Variants in ATXN7L1 observed in about 807,000 individuals in gnomAD.
ATXN7L1 encodes ataxin 7 like 1.
ATXN7L1 carries 15 observed loss-of-function variants against 70.8 expected under a neutral mutation model. The ratio of observed to expected loss-of-function variants is 0.21; its 90% CI spans 0.14 to 0.33. The LOEUF is 0.33. ATXN7L1 is among the 10% of genes least tolerant of loss of function. The probability of loss-of-function intolerance (pLI) is 1.00; values close to 1 mark genes in which losing one functional copy is unlikely to be tolerated. For missense variants in ATXN7L1, 975 were observed against 1,097.1 expected, an observed-to-expected ratio of 0.89 and a Z score of 1.57; for synonymous variants, 440 against 445.1, an observed-to-expected ratio of 0.99 and a Z score of 0.14.
chr7:105,872,840 C>CAA (rs760300999), intron 2 of ATXN7L1, among the ~76,000 whole-genome samples: 4 of 136,336 alleles, frequency 2.9e-5, no homozygotes, highest in Admixed American at 7.4e-5. Context: ...TATTTTACCA[C>CAA]AAAAAAAAAA....
At chr7:105,674,825 C>A (rs1430119929) in intron 3 of ATXN7L1, among the ~76,000 whole-genome samples, 1 of 152,166 alleles carries the variant, frequency 6.6e-6, no homozygotes, top group Non-Finnish European at 1.5e-5. Flanking sequence ...CACTATTGGG[C>A]AGGATCTGGG....
At chr7:105,827,555 T>G (rs1811049632) in intron 2 of ATXN7L1, among the ~76,000 whole-genome samples, 1 of 152,142 alleles carries the variant, frequency 6.6e-6, no homozygotes. Flanking sequence ...AATACAGTAT[T>G]TGTGAGACAT....
chr7:105,772,060 G>T (rs934741641), intron 3 of ATXN7L1, among the ~76,000 whole-genome samples: 2 of 144,786 alleles, frequency 1.4e-5, no homozygotes, highest in Non-Finnish European at 3.0e-5. Flanking sequence ...ATATCAGATT[G>T]GAATTTTTTT....
chr7:105,707,155 G>GAGTT (rs1793286622), intron 3 of ATXN7L1, among the ~76,000 whole-genome samples: 1 of 152,168 alleles, frequency 6.6e-6, no homozygotes, highest in Non-Finnish European at 1.5e-5. Flanking sequence ...CTTCCTGGTG[G>GAGTT]AGTTAGATTT....
At chr7:105,705,322 G>A (rs965416614) in intron 3 of ATXN7L1, among the ~76,000 whole-genome samples, 1 of 146,476 alleles carries the variant, frequency 6.8e-6, no homozygotes, top group Middle Eastern at 3.5e-3. Flanking sequence ...CACCATGCCC[G>A]GCCGAGTATT....
intron 2 of ATXN7L1, among the ~76,000 whole-genome samples, chr7:105,859,941 C>T (rs1035209561): frequency 3.3e-5 from 5 of 150,246 alleles, no homozygotes; most frequent in African/African-American, 1.2e-4. Flanking sequence ...TGTGACCATG[C>T]CTGGCTAATT....
At chr7:105,750,628 C>T (rs1179542565) in intron 3 of ATXN7L1, among the ~76,000 whole-genome samples, 2 of 152,024 alleles carry the variant, frequency 1.3e-5, no homozygotes, top group African/African-American at 4.8e-5. Context: ...ATGGTGAAAC[C>T]CCGTCTCTAC....
chr7:105,812,739 G>C (rs776349820), intron 2 of ATXN7L1, among the ~76,000 whole-genome samples: 2 of 152,012 alleles, frequency 1.3e-5, no homozygotes, highest in Non-Finnish European at 2.9e-5. Context: ...GGTGGCTCAC[G>C]CCTGTAATCC....
chr7:105,731,537 C>T (rs377515509), intron 3 of ATXN7L1, among the ~76,000 whole-genome samples: 13 of 150,012 alleles, frequency 8.7e-5, no homozygotes, highest in East Asian at 8.0e-4. Context: ...TGGGTTCAAG[C>T]GATTCTCCTG....
chr7:105,655,434 T>TG (rs945506178), intron 4 of ATXN7L1, among the ~76,000 whole-genome samples: 74 of 152,056 alleles, frequency 4.9e-4, no homozygotes, highest in East Asian at 9.7e-4. Flanking sequence ...CACATCACTC[T>TG]GGGGGGGTGT....
intron 7 of ATXN7L1, among the ~76,000 whole-genome samples, chr7:105,629,154 A>C (rs973538047): frequency 2.0e-5 from 3 of 152,014 alleles, no homozygotes; most frequent in African/African-American, 7.2e-5. Context: ...AGATCTACTT[A>C]TTTAGCAAAT....
intron 6 of ATXN7L1, 118 bp downstream of exon 6, chr7:105,639,369 G>T: frequency 1.5e-6 from 1 of 670,360 alleles, no homozygotes. Flanking sequence ...CCCTTACAAA[G>T]AACAGCTGGG....
At chr7:105,809,122 AG>A (rs936693953) in intron 2 of ATXN7L1, among the ~76,000 whole-genome samples, 6 of 152,366 alleles carry the variant, frequency 3.9e-5, no homozygotes, top group Middle Eastern at 3.4e-3. Flanking sequence ...GAGCCCTGGA[AG>A]TCAGAGGCTT....
intron 2 of ATXN7L1, among the ~76,000 whole-genome samples, chr7:105,865,650 C>A (rs1050926998): frequency 1.3e-5 from 2 of 152,178 alleles, no homozygotes; most frequent in African/African-American, 4.8e-5. Context: ...ATCTGCCCAC[C>A]TTGGCCTCCC....
In ATXN7L1 at chr7:105,744,363, T is replaced by C. The variant is rs549677761; in HGVS notation, c.355+44241A>G. Among the ~76,000 whole-genome samples, 9 of 152,286 alleles carry C rather than the reference T, an allele frequency of 5.9e-5. No homozygotes were observed. In the East Asian group the frequency reaches 1.2e-3, roughly 20 times the overall value. ...CTAAATCCGCTAGGGAGAGAGTCCC[T>C]TATCTTGCCCAAGAGCTTAGAGTAT... is the stretch of plus-strand genomic sequence containing the variant. On this transcript the variant is annotated intron_variant, in intron 3 of 11. Coordinates refer to ENST00000419735, the MANE Select transcript of ATXN7L1 (RefSeq NM_020725.2).
intron 10 of ATXN7L1, among the ~76,000 whole-genome samples, chr7:105,611,091 A>T (rs1269073287): frequency 1.3e-5 from 2 of 152,174 alleles, no homozygotes; most frequent in African/African-American, 4.8e-5. Flanking sequence ...CGGCTAGGAG[A>T]TGTAACGCAC....
chr7:105,733,633 C>T (rs55676392), intron 3 of ATXN7L1, among the ~76,000 whole-genome samples: 12,806 of 35,178 alleles, frequency 0.36, 800 homozygotes, highest in Middle Eastern at 0.45. Flanking sequence ...CATCCATCCA[C>T]CCATCCATCC....
At chr7:105,773,245 A>G (rs1214730426) in intron 3 of ATXN7L1, among the ~76,000 whole-genome samples, 2 of 152,140 alleles carry the variant, frequency 1.3e-5, no homozygotes, top group African/African-American at 4.8e-5. Flanking sequence ...TTTGAACTAA[A>G]CTCTAAGCCA....
At chr7:105,716,072 T>C (rs1216094578) in intron 3 of ATXN7L1, among the ~76,000 whole-genome samples, 3 of 152,116 alleles carry the variant, frequency 2.0e-5, no homozygotes, top group Non-Finnish European at 4.4e-5. Flanking sequence ...GGGGCATTTA[T>C]GTCATTATTA....
Sources: allele counts gnomAD v4.1 joint callset (sites outside exome capture counted in the v4.1 genomes callset), GRCh38; gene constraint gnomAD v4.1.1; transcripts MANE v1.5; gene names NCBI Gene and HGNC (gene_info 2026-07-23, HGNC 2026-07-21).